PXN: variants seen among roughly 807,000 people sequenced by gnomAD.
PXN encodes the protein testicular tissue protein Li 134.
PXN carries 61 observed loss-of-function variants against 103.6 expected under a neutral mutation model. That is an observed-to-expected ratio of 0.59 (90% CI 0.48 to 0.73). The LOEUF is 0.73. Ranked by LOEUF, PXN falls within the 30% of genes least tolerant of loss-of-function variation. PXN has a pLI of 0.00. For missense variants in PXN, 1,274 were observed against 1,460.3 expected (o/e 0.87, Z 2.08); for synonymous variants, 562 against 607.8 (o/e 0.92, Z 1.11).
intron 1 of PXN, among the ~76,000 whole-genome samples, chr12:120,234,165 G>A (rs749714519): frequency 1.5e-4 from 23 of 152,254 alleles, no homozygotes; most frequent in Non-Finnish European, 2.5e-4. Context: ...TTGGGAGGCC[G>A]AGACAGGGAG....
chr12:120,219,623 T>G lies in PXN; in HGVS notation c.1300A>C (p.Thr434Pro), dbSNP rs768253024. 6.4e-7 allele frequency: 1 copy of G among 1,569,254 alleles called. No individual in the cohort carries two copies. Among genetic ancestry groups the G allele is most frequent in the Non-Finnish European group, 8.6e-7 (1 of 1,165,808 alleles). ...PSCPEEALAA[T>P]WEQPWASEVF... ...TCCGAAGCCCATGGCTGCTCCCATG[T>G]GGCAGCCAAGGCCTCCTCTGGGCAC... The change falls in exon 7 of 15, where the codon ACA becomes CCA. Residue 434 changes from threonine (T) to proline (P), a missense_variant. Transcript: ENST00000637617. This position sits in a 1 kb window ranked among gnomAD's most constrained non-coding sequence, Gnocchi z 6.5.
chr12:120,234,230 C>G (rs1888607843), intron 1 of PXN, among the ~76,000 whole-genome samples: 1 of 151,924 alleles, frequency 6.6e-6, no homozygotes, highest in Non-Finnish European at 1.5e-5. Context: ...ATGGTGAAAC[C>G]TCATCTCTAC....
Position 120,215,240 on chromosome 12 carries a change from G to T in PXN, c.2437C>A (p.Pro813Thr), listed in dbSNP as rs761454485. ...CCGGGCTTCGGGGGCCCCCCAGGGG[G>T]TGAGCTGCTCCCTGTCTTCCCCTGG... ...MAQGKTGSSSPPGGPPKPGSQ... is the reference protein window; with the variant it reads ...MAQGKTGSSSTPGGPPKPGSQ... Residue 813 changes from proline (P) to threonine (T), a missense_variant, in exon 11 of 15, where the codon CCC becomes ACC. Coordinates refer to ENST00000637617, the MANE Select transcript of PXN (RefSeq NM_001385981.1). This position sits in a 1 kb window ranked among gnomAD's most constrained non-coding sequence, Gnocchi z 4.9. The T allele has an allele frequency of 6.3e-7, 1 of 1,590,406 alleles. No homozygotes were observed. Among genetic ancestry groups the T allele is most frequent in the Non-Finnish European group, 8.6e-7 (1 of 1,169,212 alleles).
chr12:120,236,540 C>G (rs1889092259), intron 1 of PXN, among the ~76,000 whole-genome samples: 1 of 149,482 alleles, frequency 6.7e-6, no homozygotes, highest in African/African-American at 2.5e-5. Flanking sequence ...TACAGTGGCG[C>G]CATCTCAGCT....
Position 120,216,733 on chromosome 12 carries a change from C to A in PXN, c.1992+108G>T. ...AAAGTCACAGGAGGCAAGAAACCCC[C>A]ACCCTCTCCCCAGATCTCCCCTCCG... On this transcript the variant is annotated intron_variant, in intron 8 of 14. Coordinates refer to ENST00000637617, the MANE Select transcript of PXN (RefSeq NM_001385981.1). This position sits in a 1 kb window ranked among gnomAD's most constrained non-coding sequence, Gnocchi z 5.1. 1 of 1,594,882 alleles carries A rather than the reference C, an allele frequency of 6.3e-7. No individual in the cohort carries two copies. The highest frequency in any genetic ancestry group is 1.1e-5 in the South Asian group (1 of 90,462).
chr12:120,215,604 G>A lies in PXN; in HGVS notation c.2359C>T (p.Arg787Trp), dbSNP rs143608979. 1.3e-3 allele frequency: 2,173 copies of A among 1,610,676 alleles called. 2 individuals are homozygous for A. The highest frequency in any genetic ancestry group is 1.7e-3 in the Non-Finnish European group (1,983 of 1,178,770). ...GERCWAAGWP[R>W]DGGRSSPGGQ... ...CCGGGGCTGCTCCGCCCGCCGTCCC[G>A]AGGCCAGCCGGCCGCCCAGCACCGC... The change falls in exon 10 of 15, where the codon CGG (arginine) becomes TGG (tryptophan). Residue 787 changes from arginine to tryptophan, a missense_variant. Physicochemically the swap from Arg to Trp is moderately radical, Grantham distance 101. This residue lies in a region of PXN where 1,178 missense variants were observed against 1,309.0 expected (regional missense o/e 0.90). Coordinates refer to ENST00000637617, the MANE Select transcript of PXN (RefSeq NM_001385981.1). The surrounding 1 kb of genome is among the most constrained non-coding windows in gnomAD (Gnocchi z 4.9).
In PXN at chr12:120,259,333, A is replaced by C. The variant is rs188284573; in HGVS notation, c.13+6284T>G. ...CTTAAGCCCAGGAGGCGGAGGTTGC[A>C]GTGAGCCAAGATCGCGCTGCTGCAC... On this transcript the variant is annotated intron_variant, in intron 1 of 14. Transcript: ENST00000637617. 8.4e-3 allele frequency among the ~76,000 whole-genome samples: 1,282 copies of C among 152,276 alleles called. 19 individuals carry two copies. The highest frequency in any genetic ancestry group is 0.027 in the African/African-American group (1,114 of 41,546).
chr12:120,245,292 G>C (rs554810519), intron 1 of PXN, among the ~76,000 whole-genome samples: 1 of 152,084 alleles, frequency 6.6e-6, no homozygotes, highest in Non-Finnish European at 1.5e-5. Flanking sequence ...TGACAGCATC[G>C]ATTATCATGA....
At position 120,215,408 on chromosome 12, in the gene PXN, G is replaced by C. The variant is rs921512992; in HGVS notation, c.2404-135C>G. ...ACAAGAAGTACAACCTCCTCCAGGG[G>C]CCAGGAGCCCTAAAGTGGGAGTGAC... On this transcript the variant is annotated intron_variant, in intron 10 of 14. Coordinates refer to ENST00000637617, the MANE Select transcript of PXN (RefSeq NM_001385981.1). This position sits in a 1 kb window ranked among gnomAD's most constrained non-coding sequence, Gnocchi z 4.9. 1.4e-6 allele frequency: 2 copies of C among 1,451,504 alleles called. No homozygotes were observed. Among genetic ancestry groups the C allele is most frequent in the Non-Finnish European group, 1.8e-6 (2 of 1,102,852 alleles). 89.9% of individuals were successfully genotyped at this position (1,451,504 alleles called of 1,614,324 possible).
chr12:120,217,286 G>T lies in PXN; in HGVS notation c.1717-170C>A, dbSNP rs1185877836. Among the ~76,000 whole-genome samples the T allele has an allele frequency of 1.3e-5, 2 of 152,044 alleles. No homozygotes were observed. Among genetic ancestry groups the T allele is most frequent in the Admixed American group, 6.5e-5 (1 of 15,268 alleles). ...GGGGCAGATTGGACCGGTGGAGGTG[G>T]GTAGAGGCAAGGGGAGGGGGCAGAT... On this transcript the variant is annotated intron_variant, in intron 7 of 14. Coordinates refer to ENST00000637617, the MANE Select transcript of PXN (RefSeq NM_001385981.1). The surrounding 1 kb of genome is among the most constrained non-coding windows in gnomAD (Gnocchi z 4.1).
In PXN at chr12:120,222,581, C is replaced by T; in HGVS notation, c.663G>A (p.Leu221=). 6.2e-7 allele frequency: 1 copy of T among 1,607,490 alleles called. No individual in the cohort carries two copies. The highest frequency in any genetic ancestry group is 8.5e-7 in the Non-Finnish European group (1 of 1,177,432). The change falls in exon 5 of 15, where the codon TTG becomes TTA. Residue 221 remains leucine (L), a synonymous_variant. Transcript: ENST00000637617. This position sits in a 1 kb window ranked among gnomAD's most constrained non-coding sequence, Gnocchi z 4.7. ...TGGGCACGGAGCTCTCCAGTTCATCCAAGAGACTCTCCACACTGGGCCGCA... is the reference window on the plus strand; with the variant it reads ...TGGGCACGGAGCTCTCCAGTTCATCTAAGAGACTCTCCACACTGGGCCGCA... ...EDVRPSVESL[L]DELESSVPSP...
In PXN at chr12:120,229,141, T is replaced by C. The variant is rs758641206; in HGVS notation, c.14-4764A>G. Among the ~76,000 whole-genome samples the C allele has an allele frequency of 2.0e-5, 3 of 152,158 alleles. No homozygotes were observed. The highest frequency in any genetic ancestry group is 4.4e-5 in the Non-Finnish European group (3 of 68,006). ...GGCTCCGGGTGGAAGGAAACCTGGG[T>C]CCCCTTGTACCTACAATGGGGGGAT... On this transcript the variant is annotated intron_variant, in intron 1 of 14. Coordinates refer to ENST00000637617, the MANE Select transcript of PXN (RefSeq NM_001385981.1). The surrounding 1 kb of genome is among the most constrained non-coding windows in gnomAD (Gnocchi z 4.0).
At chr12:120,237,610 A>T (rs1388964168) in intron 1 of PXN, among the ~76,000 whole-genome samples, 1 of 152,058 alleles carries the variant, frequency 6.6e-6, no homozygotes, top group Non-Finnish European at 1.5e-5. Flanking sequence ...TGCTGAGAAG[A>T]AGTGGGGGAG....
intron 1 of PXN, among the ~76,000 whole-genome samples, chr12:120,246,541 G>T (rs1034862041): frequency 1.2e-4 from 17 of 136,802 alleles, no homozygotes; most frequent in African/African-American, 4.6e-4. Flanking sequence ...AAAGAAAAAA[G>T]AAAAGAAAAA....
chr12:120,214,973 C>CA lies in PXN; in HGVS notation c.2599dup (p.Trp867LeufsTer30). 1 of 1,613,854 alleles carries CA rather than the reference C, an allele frequency of 6.2e-7. No individual in the cohort carries two copies. The highest frequency in any genetic ancestry group is 8.5e-7 in the Non-Finnish European group (1 of 1,179,810). ...GGTGCAGACGAAGTGCTCGGGGTGC[C>CA]ACGTCTTCCCCATGGCGGTCACAAC... On this transcript the variant is annotated frameshift_variant, in exon 12 of 15. Coordinates refer to ENST00000637617, the MANE Select transcript of PXN (RefSeq NM_001385981.1). LOFTEE classifies it high-confidence loss of function. The surrounding 1 kb of genome is among the most constrained non-coding windows in gnomAD (Gnocchi z 5.0).
At position 120,229,164 on chromosome 12, in the gene PXN, G is replaced by A. The variant is rs1887516750; in HGVS notation, c.14-4787C>T. On this transcript the variant is annotated intron_variant, in intron 1 of 14. Coordinates refer to ENST00000637617, the MANE Select transcript of PXN (RefSeq NM_001385981.1). The surrounding 1 kb of genome is among the most constrained non-coding windows in gnomAD (Gnocchi z 4.0). Reference sequence around the variant, plus strand: ...GGTCCCCTTGTACCTACAATGGGGGGATGTCCCCCAGACTGTGGCTCTGGG... The same window carrying A: ...GGTCCCCTTGTACCTACAATGGGGGAATGTCCCCCAGACTGTGGCTCTGGG... Among the ~76,000 whole-genome samples the A allele has an allele frequency of 6.6e-6, 1 of 152,148 alleles. No individual in the cohort carries two copies. The highest frequency in any genetic ancestry group is 6.5e-5 in the Admixed American group (1 of 15,276).
rs1341104231 is a variant in PXN at position 120,215,368 on chromosome 12, G to C, written c.2404-95C>G. On this transcript the variant is annotated intron_variant, in intron 10 of 14. Transcript: ENST00000637617. The surrounding 1 kb of genome is among the most constrained non-coding windows in gnomAD (Gnocchi z 4.9). ...GGGGTACTTTTCTCCCTCCTGGACA[G>C]ATGAGCTGATGGAGACAAGAAGTAC... 1 of 1,479,216 alleles carries C rather than the reference G, an allele frequency of 6.8e-7. No individual in the cohort carries two copies. Among genetic ancestry groups the C allele is most frequent in the Non-Finnish European group, 9.0e-7 (1 of 1,116,192 alleles). The allele number at this position is 1,479,216 out of a possible 1,614,324, so 91.6% of individuals were successfully genotyped here. A position where few individuals can be genotyped will look rare whatever the true frequency, so the allele number is the denominator to read the frequency against.
chr12:120,212,097 G>T lies in PXN; in HGVS notation c.*217C>A. The stretch of plus-strand genomic sequence containing the variant: ...GAGGATGGAGAGTGGGCAGCCTAGG[G>T]AGAGCTACAGGAGGGAGGAGGGGGC... On this transcript the variant is annotated 3_prime_UTR_variant, in exon 15 of 15. Transcript: ENST00000637617. This position sits in a 1 kb window ranked among gnomAD's most constrained non-coding sequence, Gnocchi z 7.2. The T allele has an allele frequency of 1.3e-6, 1 of 780,946 alleles. No homozygotes were observed. The highest frequency in any genetic ancestry group is 2.3e-6 in the Non-Finnish European group (1 of 441,542). 48.4% of individuals were successfully genotyped at this position (780,946 alleles called of 1,614,324 possible). A position where few individuals can be genotyped will look rare whatever the true frequency, so the allele number is the denominator to read the frequency against.
At chr12:120,239,796 C>T (rs1889830623) in intron 1 of PXN, among the ~76,000 whole-genome samples, 1 of 152,064 alleles carries the variant, frequency 6.6e-6, no homozygotes, top group Admixed American at 6.6e-5. Flanking sequence ...AAAATCTGAG[C>T]TAATCTGAAT....
Sources: allele counts gnomAD v4.1 joint callset (sites outside exome capture counted in the v4.1 genomes callset), GRCh38; gene constraint gnomAD v4.1.1; regional missense constraint gnomAD v4.1.1; non-coding constraint Gnocchi (gnomAD v3.1); transcripts MANE v1.5; gene names NCBI Gene and HGNC (gene_info 2026-07-23, HGNC 2026-07-21).